Variants in WWOX observed in about 807,000 individuals in gnomAD.
The protein encoded by WWOX is WW domain-containing oxidoreductase.
Under a neutral mutation model 46.2 loss-of-function variants are expected in WWOX, and 69 were observed. The ratio of observed to expected loss-of-function variants is 1.49; its 90% CI spans 1.23 to 1.82. WWOX has a LOEUF of 1.82. Ranked by LOEUF, WWOX falls within the 40% of genes most tolerant of loss-of-function variation. WWOX has a pLI of 0.00. For missense variants in WWOX, 919 were observed against 542.6 expected, an observed-to-expected ratio of 1.69 and a Z score of -6.89; for synonymous variants, 359 against 202.6, an observed-to-expected ratio of 1.77 and a Z score of -6.56.
chr16:79,120,389 G>A (rs1219305009), intron 8 of WWOX, among the ~76,000 whole-genome samples: 1 of 152,144 alleles, frequency 6.6e-6, no homozygotes, highest in African/African-American at 2.4e-5. Flanking sequence ...GGGTAACAGT[G>A]GGCAATGTGG....
intron 8 of WWOX, among the ~76,000 whole-genome samples, chr16:78,680,760 T>A (rs2047710903): frequency 6.6e-6 from 1 of 152,110 alleles, no homozygotes; most frequent in African/African-American, 2.4e-5. Context: ...ATTGCACAGT[T>A]TGGGTATGGA....
At chr16:78,159,450 G>A (rs1482048068) in intron 4 of WWOX, among the ~76,000 whole-genome samples, 1 of 151,954 alleles carries the variant, frequency 6.6e-6, no homozygotes, top group Non-Finnish European at 1.5e-5. Flanking sequence ...AGTTTCTCAC[G>A]CATAAGGGGG....
chr16:79,021,513 C>T (rs952932724), intron 8 of WWOX, among the ~76,000 whole-genome samples: 4 of 152,292 alleles, frequency 2.6e-5, no homozygotes, highest in African/African-American at 7.2e-5. Context: ...AAATGTTCTT[C>T]CTTCTTAACC....
intron 8 of WWOX, among the ~76,000 whole-genome samples, chr16:78,623,018 A>G (rs1946510105): frequency 6.6e-6 from 1 of 152,096 alleles, no homozygotes; most frequent in Non-Finnish European, 1.5e-5. Flanking sequence ...CATTAGTCCT[A>G]TAACCACAAG....
At chr16:78,772,517 T>A (rs1056131016) in intron 8 of WWOX, among the ~76,000 whole-genome samples, 27 of 152,220 alleles carry the variant, frequency 1.8e-4, no homozygotes, top group African/African-American at 6.3e-4. Flanking sequence ...ATTTGGTTAA[T>A]GTGATGACTT....
At chr16:78,957,940 C>T (rs551797907) in intron 8 of WWOX, among the ~76,000 whole-genome samples, 1 of 152,326 alleles carries the variant, frequency 6.6e-6, no homozygotes, top group Admixed American at 6.5e-5. Flanking sequence ...ACTGTCACCA[C>T]ATCAGCACAT....
intron 8 of WWOX, among the ~76,000 whole-genome samples, chr16:78,946,595 C>T (rs1245522946): frequency 2.0e-5 from 3 of 152,166 alleles, no homozygotes; most frequent in Middle Eastern, 3.2e-3. Context: ...AGAGTTCACC[C>T]TGGAAGACAG....
intron 8 of WWOX, among the ~76,000 whole-genome samples, chr16:78,870,084 T>G (rs1392115588): frequency 6.6e-6 from 1 of 152,216 alleles, no homozygotes; most frequent in Non-Finnish European, 1.5e-5. Flanking sequence ...GTCTGTCACC[T>G]GTCCATGTGT....
chr16:78,379,582 T>A (rs894688353), intron 5 of WWOX, among the ~76,000 whole-genome samples: 4 of 152,190 alleles, frequency 2.6e-5, no homozygotes, highest in Non-Finnish European at 5.9e-5. Flanking sequence ...GATTCTTTTG[T>A]TGGAGGTAAG....
Position 79,212,372 on chromosome 16 carries a change from C to T in WWOX, c.*576C>T, listed in dbSNP as rs530434636. ...AGTGACACCCAGAGGGAGTAGAATA[C>T]GCAGAACTACCAGGTGGCAAAGTAC... On this transcript the variant is annotated 3_prime_UTR_variant, in exon 9 of 9. Coordinates refer to ENST00000566780, the MANE Select transcript of WWOX (RefSeq NM_016373.4). The T allele has an allele frequency of 1.7e-3, 903 of 526,328 alleles. 5 individuals carry two copies. Among genetic ancestry groups the T allele is most frequent in the Middle Eastern group, 4.5e-3 (9 of 1,996 alleles). 32.6% of individuals were successfully genotyped at this position (526,328 alleles called of 1,614,324 possible).
chr16:78,256,232 G>C (rs1952075030), intron 5 of WWOX, among the ~76,000 whole-genome samples: 1 of 149,846 alleles, frequency 6.7e-6, no homozygotes, highest in South Asian at 2.1e-4. Flanking sequence ...CAGACTTCCA[G>C]TCTTGTGTGG....
At chr16:78,682,569 C>T (rs914047179) in intron 8 of WWOX, among the ~76,000 whole-genome samples, 5 of 152,114 alleles carry the variant, frequency 3.3e-5, no homozygotes, top group South Asian at 4.2e-4. Context: ...GGTGATAGAG[C>T]GAGACCCTGT....
At chr16:78,879,269 A>C (rs940112680) in intron 8 of WWOX, among the ~76,000 whole-genome samples, 2 of 152,182 alleles carry the variant, frequency 1.3e-5, no homozygotes, top group African/African-American at 4.8e-5. Flanking sequence ...TGTAAGAGCA[A>C]GTGAAGATTG....
At chr16:79,152,467 C>T (rs2050299708) in intron 8 of WWOX, among the ~76,000 whole-genome samples, 1 of 152,050 alleles carries the variant, frequency 6.6e-6, no homozygotes, top group Non-Finnish European at 1.5e-5. Context: ...GTCAAGAGAT[C>T]CAGATCATTC....
intron 8 of WWOX, among the ~76,000 whole-genome samples, chr16:78,704,294 A>T (rs1450463219): frequency 1.3e-5 from 2 of 152,098 alleles, no homozygotes; most frequent in Non-Finnish European, 2.9e-5. Flanking sequence ...AAATTTCCTC[A>T]TCTTGACTAC....
At position 79,212,001 on chromosome 16, in the gene WWOX, GGGCTA is replaced by G. The variant is rs1256473994; in HGVS notation, c.*209_*213del. 23 of 1,533,148 alleles carry G rather than the reference GGGCTA, an allele frequency of 1.5e-5. No homozygotes were observed. Among genetic ancestry groups the G allele is most frequent in the Non-Finnish European group, 1.7e-5 (20 of 1,144,758 alleles). 95.0% of individuals were successfully genotyped at this position (1,533,148 alleles called of 1,614,324 possible). ...GGTAAAGTATCACTTTTCTGGGGCTGGGCTAGGCATAGGTCTCTTTGCTTTCTGGT... is the reference window on the plus strand; with the variant it reads ...GGTAAAGTATCACTTTTCTGGGGCTGGGCATAGGTCTCTTTGCTTTCTGGT... On this transcript the variant is annotated 3_prime_UTR_variant, in exon 9 of 9. Coordinates refer to ENST00000566780, the MANE Select transcript of WWOX (RefSeq NM_016373.4).
intron 8 of WWOX, among the ~76,000 whole-genome samples, chr16:78,580,887 C>T (rs549237767): frequency 5.9e-5 from 9 of 152,320 alleles, no homozygotes; most frequent in African/African-American, 1.2e-4. Context: ...GTAGTGTCTG[C>T]CCACCCAGGT....
intron 8 of WWOX, among the ~76,000 whole-genome samples, chr16:78,544,179 T>C (rs2043966241): frequency 6.6e-6 from 1 of 152,162 alleles, no homozygotes; most frequent in South Asian, 2.1e-4. Context: ...AAAAATTGAG[T>C]TTTGAGAGCA....
At chr16:78,251,499 C>G (rs879529841) in intron 5 of WWOX, among the ~76,000 whole-genome samples, 7 of 152,192 alleles carry the variant, frequency 4.6e-5, no homozygotes, top group Non-Finnish European at 7.3e-5. Flanking sequence ...CTTCTCCTCT[C>G]TTTCCCATCC....
Sources: allele counts gnomAD v4.1 joint callset (sites outside exome capture counted in the v4.1 genomes callset), GRCh38; gene constraint gnomAD v4.1.1; transcripts MANE v1.5; gene names NCBI Gene and HGNC (gene_info 2026-07-23, HGNC 2026-07-21).